The following SUMF1 variants were observed in gnomAD, a reference collection of about 807,000 sequenced individuals.
The protein encoded by SUMF1 is formylglycine-generating enzyme.
In SUMF1, 48 loss-of-function variants were observed where a neutral mutation model predicts 47.6. The observed-to-expected ratio is 1.01, with a 90% confidence interval of 0.80 to 1.28. SUMF1 has a LOEUF of 1.28. Among genes scored for constraint, SUMF1 ranks in the 50% most tolerant of loss-of-function variants. The pLI is 0.00. For missense variants in SUMF1, 571 were observed against 485.4 expected, an observed-to-expected ratio of 1.18 and a Z score of -1.66; for synonymous variants, 230 against 192.1, an observed-to-expected ratio of 1.20 and a Z score of -1.63.
chr3:4,144,315 A>G (rs1362986116), intron 8 of SUMF1, among the ~76,000 whole-genome samples: 7 of 152,108 alleles, frequency 4.6e-5, no homozygotes, highest in Admixed American at 4.6e-4. Flanking sequence ...AAAGAAAAGA[A>G]TAAGTATGTG....
intron 7 of SUMF1, among the ~76,000 whole-genome samples, chr3:4,388,946 C>G (rs1020477137): frequency 6.6e-6 from 1 of 152,082 alleles, no homozygotes; most frequent in African/African-American, 2.4e-5. Context: ...ACATTTAGAA[C>G]CATATCAGAC....
intron 7 of SUMF1, among the ~76,000 whole-genome samples, chr3:4,391,159 T>C (rs1700848598): frequency 1.3e-5 from 2 of 152,222 alleles, no homozygotes; most frequent in Admixed American, 6.5e-5. Flanking sequence ...TTGCCCTGTA[T>C]GTGATGAACT....
At chr3:4,388,946 C>A (rs1020477137) in intron 7 of SUMF1, among the ~76,000 whole-genome samples, 4 of 152,082 alleles carry the variant, frequency 2.6e-5, no homozygotes, top group African/African-American at 9.7e-5. Context: ...ACATTTAGAA[C>A]CATATCAGAC....
At chr3:4,401,297 T>C (rs1339223234) in intron 7 of SUMF1, among the ~76,000 whole-genome samples, 1 of 152,110 alleles carries the variant, frequency 6.6e-6, no homozygotes, top group Non-Finnish European at 1.5e-5. Context: ...GTCTTTATAG[T>C]AGCATGATTT....
At chr3:4,161,291 C>T (rs1054619628) in intron 8 of SUMF1, among the ~76,000 whole-genome samples, 2 of 152,126 alleles carry the variant, frequency 1.3e-5, no homozygotes, top group African/African-American at 2.4e-5. Context: ...TGGATCTTGC[C>T]CAGTAACTAC....
intron 8 of SUMF1, among the ~76,000 whole-genome samples, chr3:4,367,263 G>T (rs1031206837): frequency 2.0e-5 from 3 of 152,150 alleles, no homozygotes; most frequent in African/African-American, 7.2e-5. Context: ...GTCAGACAGG[G>T]ACATTTAAGT....
chr3:4,246,551 G>A (rs937836408), intron 8 of SUMF1, among the ~76,000 whole-genome samples: 11 of 151,994 alleles, frequency 7.2e-5, no homozygotes, highest in South Asian at 4.2e-4. Context: ...ACAGGCGCAC[G>A]CCACCATGCC....
chr3:4,160,484 C>A (rs1205918084), intron 8 of SUMF1, among the ~76,000 whole-genome samples: 1 of 152,044 alleles, frequency 6.6e-6, no homozygotes, highest in Admixed American at 6.5e-5. Flanking sequence ...AAGTGATCTG[C>A]CCGCTTTGGT....
At chr3:4,426,192 C>T (rs915584411) in intron 3 of SUMF1, among the ~76,000 whole-genome samples, 1 of 152,224 alleles carries the variant, frequency 6.6e-6, no homozygotes, top group African/African-American at 2.4e-5. Context: ...CTTCAGAAAG[C>T]TTGGGCCCCT....
At chr3:4,268,533 T>C (rs949632388) in intron 8 of SUMF1, among the ~76,000 whole-genome samples, 3 of 145,846 alleles carry the variant, frequency 2.1e-5, no homozygotes, top group Admixed American at 2.1e-4. Flanking sequence ...CAATGTTTAA[T>C]GATAGGTTTA....
chr3:4,407,609 TA>T (rs1701415701), intron 7 of SUMF1, among the ~76,000 whole-genome samples: 1 of 152,174 alleles, frequency 6.6e-6, no homozygotes, highest in African/African-American at 2.4e-5. Flanking sequence ...TGCTAAGCAC[TA>T]GAGATACACA....
chr3:4,086,642 T>G (rs183071836), intron 8 of SUMF1, among the ~76,000 whole-genome samples: 6 of 152,120 alleles, frequency 3.9e-5, no homozygotes. Context: ...ACAGTTATAA[T>G]GAACTAGAAG....
At chr3:4,179,515 C>T (rs7615356) in intron 8 of SUMF1, among the ~76,000 whole-genome samples, 64,182 of 151,948 alleles carry the variant, frequency 0.42, 14,972 homozygotes, top group Non-Finnish European at 0.54. Flanking sequence ...CCCTTCCTCA[C>T]ACCTTATACA....
chr3:4,295,715 C>T (rs1042742471), intron 8 of SUMF1, among the ~76,000 whole-genome samples: 30 of 152,154 alleles, frequency 2.0e-4, no homozygotes, highest in African/African-American at 6.8e-4. Flanking sequence ...ATACATAATA[C>T]TCTTCTTTCA....
intron 8 of SUMF1, among the ~76,000 whole-genome samples, chr3:4,103,682 CACTT>C (rs1237055211): frequency 6.6e-6 from 1 of 152,104 alleles, no homozygotes; most frequent in Non-Finnish European, 1.5e-5. Flanking sequence ...TTAATGGATA[CACTT>C]ACTATGTATC....
At chr3:4,346,971 A>C (rs1699386770) in intron 8 of SUMF1, among the ~76,000 whole-genome samples, 2 of 152,208 alleles carry the variant, frequency 1.3e-5, no homozygotes, top group African/African-American at 4.8e-5. Context: ...CACCCAACCA[A>C]AACTAAACCA....
chr3:4,213,287 C>T (rs576259565), intron 8 of SUMF1, among the ~76,000 whole-genome samples: 207 of 152,152 alleles, frequency 1.4e-3, no homozygotes, highest in Non-Finnish European at 2.5e-3. Context: ...AATTTTCAAC[C>T]GAGAATTTCA....
At chr3:4,142,569 G>A (rs17040046) in intron 8 of SUMF1, among the ~76,000 whole-genome samples, 9,224 of 152,152 alleles carry the variant, frequency 0.061, 600 homozygotes, top group African/African-American at 0.16. Flanking sequence ...ATACTCGATA[G>A]TACCTAACAC....
At chr3:4,269,853 A>G (rs189500192) in intron 8 of SUMF1, among the ~76,000 whole-genome samples, 15 of 152,290 alleles carry the variant, frequency 9.8e-5, no homozygotes, top group Non-Finnish European at 5.9e-5. Flanking sequence ...ACAGACTAGA[A>G]AATGTAGGGT....
Sources: gnomAD v4.1 joint callset for allele counts (sites outside exome capture counted in the v4.1 genomes callset) on GRCh38, gnomAD v4.1.1 for gene constraint, MANE v1.5 for transcripts, NCBI Gene and HGNC (gene_info 2026-07-23, HGNC 2026-07-21) for gene names.